ANKRD30A: variants seen among roughly 807,000 people sequenced by gnomAD.
ANKRD30A encodes the protein ankyrin repeat domain-containing protein 30A.
In ANKRD30A, 170 loss-of-function variants were observed where a neutral mutation model predicts 166.3. The ratio of observed to expected loss-of-function variants is 1.02; its 90% CI spans 0.90 to 1.16. The LOEUF (loss-of-function observed/expected upper bound fraction) is 1.16, where lower values mean the gene tolerates loss of function less well. Ranked by LOEUF, ANKRD30A falls within the 50% of genes most tolerant of loss-of-function variation. The pLI is 0.00. For synonymous variants in ANKRD30A, 564 were observed against 508.9 expected (o/e 1.11, Z -1.46); for missense variants, 1,630 against 1,518.0 (o/e 1.07, Z -1.23).
chr10:37,240,194 C>T, the ANKRD30A span, among the ~76,000 whole-genome samples: 2 of 152,144 alleles, frequency 1.3e-5, no homozygotes, highest in Non-Finnish European at 2.9e-5. Context: ...ATTTATGCCT[C>T]ATTAATTTGT....
intron 31 of ANKRD30A, among the ~76,000 whole-genome samples, chr10:37,211,781 C>T (rs933030968): frequency 6.6e-6 from 1 of 152,228 alleles, no homozygotes; most frequent in East Asian, 1.9e-4. Context: ...TTCTCTACAT[C>T]CTCTCCAGCA....
intron 6 of ANKRD30A, among the ~76,000 whole-genome samples, chr10:37,138,976 G>A (rs1402169659): frequency 6.6e-6 from 1 of 152,162 alleles, no homozygotes; most frequent in Non-Finnish European, 1.5e-5. Context: ...CAGCCAGAGA[G>A]AAAGGTCGGG....
At chr10:37,215,623 T>A (rs1367891604) in intron 31 of ANKRD30A, among the ~76,000 whole-genome samples, 1 of 151,574 alleles carries the variant, frequency 6.6e-6, no homozygotes, top group Non-Finnish European at 1.5e-5. Flanking sequence ...GCTTTCCATT[T>A]TTTTTCTGTT....
intron 24 of ANKRD30A, among the ~76,000 whole-genome samples, chr10:37,183,620 A>T (rs1840187157): frequency 6.8e-6 from 1 of 147,206 alleles, no homozygotes; most frequent in Admixed American, 6.9e-5. Flanking sequence ...CCTAGAGAGG[A>T]TCTAGACTTT....
intron 35 of ANKRD30A, 116 bp from the exon 36 acceptor site, chr10:37,232,383 G>T (rs1364039225): frequency 2.6e-5 from 4 of 151,088 alleles, no homozygotes; most frequent in Non-Finnish European, 5.9e-5. Flanking sequence ...TTTTTAAAAT[G>T]ATGTTCACTT....
In ANKRD30A at chr10:37,125,851, A is replaced by G; in HGVS notation, c.64A>G (p.Ser22Gly). ...GGGCCCGGAGCGCCCGAGCCCTTTC[A>G]GCCAGCTAGTCTATACCAGCAACGA... ...VPGPERPSPF[S>G]QLVYTSNDSY... Residue 22 changes from serine to glycine, a missense_variant, in exon 1 of 36, where the codon AGC (serine) becomes GGC (glycine). Physicochemically the swap from Ser to Gly is moderately conservative, Grantham distance 56 (BLOSUM62 0). Around this residue, in one of 4 missense-constraint regions of ANKRD30A, gnomAD observed 904 missense variants for 818.5 expected, o/e 1.10. Transcript: ENST00000361713. 1 of 1,291,078 alleles carries G rather than the reference A, an allele frequency of 7.7e-7. No individual in the cohort carries two copies. Among genetic ancestry groups the G allele is most frequent in the Non-Finnish European group, 1.1e-6 (1 of 907,512 alleles). The allele number at this position is 1,291,078 out of a possible 1,614,324, so 80.0% of individuals were successfully genotyped here.
intron 1 of ANKRD30A, 150 bp downstream of exon 1, chr10:37,126,158 T>G (rs934317525): frequency 2.5e-6 from 2 of 798,770 alleles, no homozygotes; most frequent in South Asian, 3.5e-5. Flanking sequence ...GGCCCTCGGG[T>G]CTAGGCCTTC....
chr10:37,148,907 A>G (rs1837706250), intron 9 of ANKRD30A, among the ~76,000 whole-genome samples: 1 of 152,070 alleles, frequency 6.6e-6, no homozygotes, highest in African/African-American at 2.4e-5. Flanking sequence ...TTATACTTGA[A>G]TAATAAGATT....
At chr10:37,135,106 A>G (rs886653584) in intron 5 of ANKRD30A, 7 of 152,206 alleles carry the variant, frequency 4.6e-5, no homozygotes, top group Non-Finnish European at 8.8e-5. Context: ...AGTTTTTAAA[A>G]TATTTTCAAA....
intron 13 of ANKRD30A, among the ~76,000 whole-genome samples, chr10:37,156,096 A>G (rs965995872): frequency 6.6e-6 from 1 of 151,494 alleles, no homozygotes; most frequent in African/African-American, 2.4e-5. Context: ...AAAAAAAATC[A>G]TAGTGTGCAT....
At chr10:37,161,436 G>C (rs866113956) in intron 15 of ANKRD30A, among the ~76,000 whole-genome samples, 2 of 152,108 alleles carry the variant, frequency 1.3e-5, no homozygotes, top group South Asian at 2.1e-4. Context: ...CAGAGTTAGA[G>C]GTTTTTTTTT....
At chr10:37,205,004 G>C (rs540295679) in intron 31 of ANKRD30A, among the ~76,000 whole-genome samples, 3 of 152,130 alleles carry the variant, frequency 2.0e-5, no homozygotes, top group African/African-American at 7.2e-5. Context: ...GTTGGTGGGA[G>C]TGTAAACTAG....
At position 37,165,113 on chromosome 10, in the gene ANKRD30A, A is replaced by G. The variant is rs1282260605; in HGVS notation, c.2022A>G (p.Glu674=). 2 of 1,609,532 alleles carry G rather than the reference A, an allele frequency of 1.2e-6. No individual in the cohort carries two copies. Among genetic ancestry groups the G allele is most frequent in the Non-Finnish European group, 1.7e-6 (2 of 1,176,402 alleles). Residue 674 remains glutamate, a synonymous_variant, in exon 18 of 36, where the codon GAA becomes GAG. Coordinates refer to ENST00000361713, the MANE Select transcript of ANKRD30A (RefSeq NM_052997.3). The part of the protein sequence containing the change: ...TLRADEILPS[E]SKQKDYEENS... ...TTATAGATGAGATACTCCCATCAGA[A>G]TCCAAACAAAAGGACTATGAAGAAA...
At chr10:37,194,824 A>T (rs191064281) in intron 27 of ANKRD30A, among the ~76,000 whole-genome samples, 2 of 152,244 alleles carry the variant, frequency 1.3e-5, no homozygotes, top group Admixed American at 6.5e-5. Flanking sequence ...TCTAGCCACT[A>T]AAAGTCGAAA....
intron 25 of ANKRD30A, among the ~76,000 whole-genome samples, chr10:37,190,774 T>A (rs1840490718): frequency 6.6e-6 from 1 of 151,768 alleles, no homozygotes; most frequent in Non-Finnish European, 1.5e-5. Context: ...GGACTAAACC[T>A]CAGTGACTCA....
At chr10:37,257,528 G>A in the ANKRD30A span, among the ~76,000 whole-genome samples, 2 of 152,076 alleles carry the variant, frequency 1.3e-5, no homozygotes, top group African/African-American at 2.4e-5. Context: ...TTTCTGTTGT[G>A]GGAATTGAGT....
Position 37,141,940 on chromosome 10 carries a change from G to T in ANKRD30A, c.1043G>T (p.Gly348Val). The T allele has an allele frequency of 6.2e-7, 1 of 1,614,224 alleles. No homozygotes were observed. The highest frequency in any genetic ancestry group is 8.5e-7 in the Non-Finnish European group (1 of 1,180,042). Reference sequence around the variant, plus strand: ...CAATGTTTGGAGAAAGCGACATCTGGAAAGTTCGAACAGTCAGCAGAAGAA... The same window carrying T: ...CAATGTTTGGAGAAAGCGACATCTGTAAAGTTCGAACAGTCAGCAGAAGAA... ...KIQCLEKATS[G>V]KFEQSAEETP... Residue 348 changes from glycine (G) to valine (V), a missense_variant, in exon 7 of 36, where the codon GGA becomes GTA. Gly to Val is a moderately radical substitution (Grantham distance 109, BLOSUM62 -3). Coordinates refer to ENST00000361713, the MANE Select transcript of ANKRD30A (RefSeq NM_052997.3).
At chr10:37,217,646 T>C in intron 32 of ANKRD30A, 49 bp from the exon 33 acceptor site, 1 of 1,391,144 alleles carries the variant, frequency 7.2e-7, no homozygotes, top group Non-Finnish European at 9.6e-7. Flanking sequence ...TCAAAATGAA[T>C]TCTATTTTCT....
rs1842684567 is a variant in ANKRD30A at position 37,217,860 on chromosome 10, A to G, written c.3249A>G (p.Val1083=). Residue 1083 remains valine, a synonymous_variant, in exon 33 of 36, where the codon GTA becomes GTG. Coordinates refer to ENST00000361713, the MANE Select transcript of ANKRD30A (RefSeq NM_052997.3). ...LRIQDIELKS[V]ESNLNQVSHT... The stretch of plus-strand genomic sequence containing the variant: ...TACAAGATATAGAATTGAAGAGTGT[A>G]GAAAGTAATTTGAATCAGGTAAATC... 3 of 1,554,446 alleles carry G rather than the reference A, an allele frequency of 1.9e-6. No individual in the cohort carries two copies. Among genetic ancestry groups the G allele is most frequent in the Non-Finnish European group, 2.6e-6 (3 of 1,157,520 alleles).
Sources: allele counts gnomAD v4.1 joint callset (sites outside exome capture counted in the v4.1 genomes callset), GRCh38; gene constraint gnomAD v4.1.1; regional missense constraint gnomAD v4.1.1; transcripts MANE v1.5; gene names NCBI Gene and HGNC (gene_info 2026-07-23, HGNC 2026-07-21).